MCM7: variants seen among roughly 807,000 people sequenced by gnomAD.
MCM7 encodes minichromosome maintenance complex component 7, also known as DNA replication licensing factor MCM7.
Under a neutral mutation model 83.5 loss-of-function variants are expected in MCM7, and 95 were observed. The ratio of observed to expected loss-of-function variants is 1.14; its 90% confidence interval spans 0.96 to 1.35. The LOEUF is 1.35. Among genes scored for constraint, MCM7 ranks in the 40% most tolerant of loss-of-function variants. The pLI is 0.00. For missense variants in MCM7, 1,087 were observed against 957.4 expected (o/e 1.14, Z -1.79); for synonymous variants, 461 against 352.7 (o/e 1.31, Z -3.44).
chr7:100,094,060 T>C, intron 13 of MCM7, 113 bp downstream of exon 13: 1 of 1,365,116 alleles, frequency 7.3e-7, no homozygotes. Flanking sequence ...CTGTCAGCAC[T>C]TTAGCCCCGG....
At position 100,092,969 on chromosome 7, in the gene MCM7, T is replaced by A. The variant is rs775840928; in HGVS notation, c.2123A>T (p.Gln708Leu). The part of the protein sequence containing the change: ...LDEYEELNVW[Q>L]VNASRTRITF... ...GATCCGTGTCCGGGAAGCATTGACC[T>A]GCCAGACATTGAGCTCCTCATATTC... Residue 708 changes from glutamine to leucine, a missense_variant, in exon 15 of 15, where the codon CAG (glutamine) becomes CTG (leucine). Gln to Leu is a moderately radical substitution (Grantham distance 113). Coordinates refer to ENST00000303887, the MANE Select transcript of MCM7 (RefSeq NM_005916.5). The A allele has an allele frequency of 1.9e-6, 3 of 1,614,102 alleles. No individual in the cohort carries two copies. The African/African-American group carries it at 4.0e-5, about 22-fold the overall frequency.
At position 100,095,486 on chromosome 7, in the gene MCM7, G is replaced by C. The variant is rs774757341; in HGVS notation, c.1596-16C>G. 6.2e-7 allele frequency: 1 copy of C among 1,612,490 alleles called. No homozygotes were observed. The highest frequency in any genetic ancestry group is 8.5e-7 in the Non-Finnish European group (1 of 1,178,946). ...CTGGGCCAACCTGGACAGAGGGAAG[G>C]TTAGAAGGAACACCCTTTTTAGGGC... On this transcript the variant is annotated splice_polypyrimidine_tract_variant and intron_variant, in intron 11 of 14. Transcript: ENST00000303887.
chr7:100,098,257 T>C lies in MCM7; in HGVS notation c.754A>G (p.Ser252Gly). The stretch of plus-strand genomic sequence containing the variant: ...TCTCCTTCTACCAGCACCGTGATAC[T>C]ACGAGGGATATTTCCCACAGGCACC... The part of the protein sequence containing the change: ...DQVPVGNIPR[S>G]ITVLVEGENT... Residue 252 changes from serine (S) to glycine (G), a missense_variant, in exon 7 of 15, where the codon AGT (serine) becomes GGT (glycine). Physicochemically the swap from Ser to Gly is moderately conservative, Grantham distance 56 (BLOSUM62 0). Coordinates refer to ENST00000303887, the MANE Select transcript of MCM7 (RefSeq NM_005916.5). 6.2e-7 allele frequency: 1 copy of C among 1,614,118 alleles called. No individual in the cohort carries two copies. Among genetic ancestry groups the C allele is most frequent in the South Asian group, 1.1e-5 (1 of 91,072 alleles).
intron 6 of MCM7, 44 bp from the exon 7 acceptor site, chr7:100,098,334 G>C (rs1424881402): frequency 6.2e-7 from 1 of 1,603,502 alleles, no homozygotes; most frequent in South Asian, 1.1e-5. Context: ...AATGGACAAG[G>C]ACCCAACCTT....
In MCM7 at chr7:100,095,983, C is replaced by T; in HGVS notation, c.1386G>A (p.Met462Ile). 2 of 1,614,084 alleles carry T rather than the reference C, an allele frequency of 1.2e-6. No homozygotes were observed. Among genetic ancestry groups the T allele is most frequent in the Non-Finnish European group, 1.7e-6 (2 of 1,179,998 alleles). ...TGGCAATGGAGATGGTCTGCTGCTC[C>T]ATGACCTCGTGGATGGCTGTGCGGT... is the stretch of plus-strand genomic sequence containing the variant. Reference protein sequence around the residue: ...EADRTAIHEVMEQQTISIAKA... With the variant: ...EADRTAIHEVIEQQTISIAKA... The change falls in exon 11 of 15, where the codon ATG becomes ATA. Residue 462 changes from methionine to isoleucine, a missense_variant. Physicochemically the swap from Met to Ile is conservative, Grantham distance 10. Transcript: ENST00000303887.
In MCM7 at chr7:100,094,250, C is replaced by G. The variant is rs1177281584; in HGVS notation, c.1771G>C (p.Glu591Gln). The G allele has an allele frequency of 1.9e-6, 3 of 1,614,120 alleles. No individual in the cohort carries two copies. The African/African-American group carries it at 4.0e-5, about 22-fold the overall frequency. ...ITAAYVEMRR[E>Q]AWASKDATYT... is the part of the protein sequence containing the mutation. ...GTGGCATCCTTACTAGCCCAAGCCT[C>G]TCGCCTCATCTCCACGTATGCTGCT... Residue 591 changes from glutamate (E) to glutamine (Q), a missense_variant, in exon 13 of 15, where the codon GAG (glutamate) becomes CAG (glutamine). Transcript: ENST00000303887.
intron 1 of MCM7, 64 bp downstream of exon 1, chr7:100,101,190 CCCAGCTCACA>C: frequency 1.3e-6 from 2 of 1,587,194 alleles, no homozygotes; most frequent in Non-Finnish European, 1.7e-6. Flanking sequence ...CCCCCAAGAC[CCCAGCTCACA>C]CCAACAGGTG....
chr7:100,101,168 G>T, intron 1 of MCM7, 96 bp downstream of exon 1: 1 of 1,518,066 alleles, frequency 6.6e-7, no homozygotes. Context: ...CCCAGAACCC[G>T]CCGACCCCGG....
At chr7:100,096,410 T>G (rs1053140658) in intron 10 of MCM7, among the ~76,000 whole-genome samples, 2 of 152,040 alleles carry the variant, frequency 1.3e-5, no homozygotes, top group Non-Finnish European at 2.9e-5. Flanking sequence ...CAAGCCATCC[T>G]CCGGCCTCAG....
intron 3 of MCM7, 24 bp from the exon 4 acceptor site, chr7:100,099,427 A>AAAAAAAAAAATT: frequency 6.3e-7 from 1 of 1,587,924 alleles, no homozygotes; most frequent in Non-Finnish European, 8.5e-7. Context: ...ACAAAAAAAA[A>AAAAAAAAAAATT]AAAAAAAAAG....
intron 1 of MCM7, chr7:100,100,743 T>C: frequency 1.0e-6 from 1 of 989,194 alleles, no homozygotes; most frequent in Non-Finnish European, 1.2e-6. Flanking sequence ...GGAAGGACAC[T>C]GTTTACACGA....
rs1056028291 is a variant in MCM7 at position 100,101,103 on chromosome 7, G to C, written c.31+161C>G. 2.2e-5 allele frequency: 19 copies of C among 854,732 alleles called. No homozygotes were observed. The East Asian group carries it at 4.5e-4, about 20-fold the overall frequency. The allele number at this position is 854,732 out of a possible 1,614,324, so 52.9% of individuals were successfully genotyped here. A position where few individuals can be genotyped will look rare whatever the true frequency, so the allele number is the denominator to read the frequency against. ...TCGATGGCCCCCCGCACGCTTCCCA[G>C]GCCCCGTGGGCCTTAGCCAGGCCGC... On this transcript the variant is annotated intron_variant, in intron 1 of 14. Transcript: ENST00000303887.
At chr7:100,096,368 CTG>C (rs1795636418) in intron 10 of MCM7, among the ~76,000 whole-genome samples, 1 of 152,176 alleles carries the variant, frequency 6.6e-6, no homozygotes, top group Non-Finnish European at 1.5e-5. Context: ...CAGAACACAA[CTG>C]TGGCTCACTG....
At chr7:100,100,116 GT>G in intron 1 of MCM7, 23 bp from the exon 2 acceptor site, 2 of 1,612,142 alleles carry the variant, frequency 1.2e-6, no homozygotes, top group South Asian at 1.1e-5. Context: ...ATGTAAAACC[GT>G]AAGACACAAA....
rs1286665742 is a variant in MCM7 at position 100,093,088 on chromosome 7, C to T, written c.2004G>A (p.Leu668=). The change falls in exon 15 of 15, where the codon CTG becomes CTA. Residue 668 remains leucine (L), a synonymous_variant. Transcript: ENST00000303887. ...ADVIFATVRE[L]VSGGRSVRFS... is the part of the protein sequence containing the mutation. Reference sequence around the variant, plus strand: ...ACCGGACACTTCGGCCCCCTGAGACCAGTTCACGGACGGTGGCAAATATCA... The same window carrying T: ...ACCGGACACTTCGGCCCCCTGAGACTAGTTCACGGACGGTGGCAAATATCA... The T allele has an allele frequency of 6.2e-7, 1 of 1,614,084 alleles. No individual in the cohort carries two copies. Among genetic ancestry groups the T allele is most frequent in the Non-Finnish European group, 8.5e-7 (1 of 1,180,042 alleles).
At chr7:100,096,570 G>A (rs1467457558) in intron 10 of MCM7, among the ~76,000 whole-genome samples, 2 of 151,382 alleles carry the variant, frequency 1.3e-5, no homozygotes, top group African/African-American at 4.9e-5. Context: ...GAGGTCAGGA[G>A]TTCGAGACCA....
rs752169854 is a variant in MCM7 at position 100,094,339 on chromosome 7, C to T, written c.1682G>A (p.Arg561His). The T allele has an allele frequency of 1.5e-5, 24 of 1,613,838 alleles. No individual in the cohort carries two copies. The highest frequency in any genetic ancestry group is 4.4e-5 in the South Asian group (4 of 91,086). Residue 561 changes from arginine (R) to histidine (H), a missense_variant and splice_region_variant, in exon 13 of 15, where the codon CGT becomes CAT. By Grantham distance (29) the Arg-to-His change is conservative. Transcript: ENST00000303887. ...CTTCTCGCGGCACATGGCTATGTAACGCCTGTGGGGGAAGGTTCATGGGGA... is the reference window on the plus strand; with the variant it reads ...CTTCTCGCGGCACATGGCTATGTAATGCCTGTGGGGGAAGGTTCATGGGGA... ...FEPLDMKLMR[R>H]YIAMCREKQP...
intron 3 of MCM7, 31 bp downstream of exon 3, chr7:100,099,558 C>A (rs1319137806): frequency 9.3e-6 from 15 of 1,610,044 alleles, no homozygotes; most frequent in Non-Finnish European, 1.3e-5. Context: ...ACGCCTCGCC[C>A]TTTGTTTGCC....
chr7:100,100,442 C>G, intron 1 of MCM7: 1 of 1,009,010 alleles, frequency 9.9e-7, no homozygotes, highest in Non-Finnish European at 1.2e-6. Context: ...CTTTGGGTCC[C>G]CTTAGCCCCT....
Sources: allele counts gnomAD v4.1 joint callset (sites outside exome capture counted in the v4.1 genomes callset), GRCh38; gene constraint gnomAD v4.1.1; transcripts MANE v1.5; gene names NCBI Gene and HGNC (gene_info 2026-07-23, HGNC 2026-07-21).